Variants in CCDC187 observed in about 807,000 individuals in gnomAD.
The protein encoded by CCDC187 is coiled-coil domain-containing protein 187.
A neutral mutation model predicts 38.0 loss-of-function variants in CCDC187; 32 were observed. The ratio of observed to expected loss-of-function variants is 0.84; its 90% CI spans 0.64 to 1.13. The LOEUF is 1.13. Among genes scored for constraint, CCDC187 ranks in the 50% most tolerant of loss-of-function variants. CCDC187 has a pLI of 0.00. For missense variants in CCDC187, 707 were observed against 786.8 expected (o/e 0.90, Z 1.21); for synonymous variants, 333 against 347.9 (o/e 0.96, Z 0.48).
At position 136,303,134 on chromosome 9, in the gene CCDC187, G is replaced by A. The variant is rs1187853298; in HGVS notation, c.303C>T (p.Ser101=). The change falls in exon 2 of 26, where the codon TCC becomes TCT. Residue 101 remains serine, a synonymous_variant. Coordinates refer to ENST00000638797, the MANE Select transcript of CCDC187 (RefSeq NM_001378188.1). Reference sequence around the variant, plus strand: ...CCCCATCCCTAGCCTCCGGGCCTGTGGACCACATGGGCAGGCTGCACGCCT... The same window carrying A: ...CCCCATCCCTAGCCTCCGGGCCTGTAGACCACATGGGCAGGCTGCACGCCT... ...WGKACSLPMW[S]TGPEARDGDS... is the part of the protein sequence containing the mutation. 5.0e-6 allele frequency: 2 copies of A among 398,540 alleles called. No individual in the cohort carries two copies. The highest frequency in any genetic ancestry group is 4.1e-5 in the African/African-American group (2 of 48,652). The allele number at this position is 398,540 out of a possible 1,614,324, so 24.7% of individuals were successfully genotyped here. A position where few individuals can be genotyped will look rare whatever the true frequency, so the allele number is the denominator to read the frequency against.
At position 136,262,421 on chromosome 9, in the gene CCDC187, T is replaced by TG. The variant is rs1554761104; in HGVS notation, c.3953dup (p.Glu1319ArgfsTer41). 2.0e-6 allele frequency: 2 copies of TG among 986,070 alleles called. No homozygotes were observed. Among genetic ancestry groups the TG allele is most frequent in the African/African-American group, 1.7e-5 (1 of 57,274 alleles). 61.1% of individuals were successfully genotyped at this position (986,070 alleles called of 1,614,324 possible). A position where few individuals can be genotyped will look rare whatever the true frequency, so the allele number is the denominator to read the frequency against. The stretch of plus-strand genomic sequence containing the variant: ...AGGCCTCTGGCTGCTGGCTTGTCTC[T>TG]GAGCCTCCCTCCCAGGCGGCCTTGA... On this transcript the variant is annotated frameshift_variant, in exon 19 of 26. Transcript: ENST00000638797. LOFTEE classifies it high-confidence loss of function.
chr9:136,298,284 A>T (rs938034648), intron 3 of CCDC187, among the ~76,000 whole-genome samples: 3 of 152,166 alleles, frequency 2.0e-5, no homozygotes, highest in Admixed American at 2.0e-4. Flanking sequence ...GCCGGACTGA[A>T]CATCTCTGGG....
At chr9:136,293,481 T>TCACACTCACATGCTCA (rs1166695908) in intron 4 of CCDC187, among the ~76,000 whole-genome samples, 36 of 129,832 alleles carry the variant, frequency 2.8e-4, no homozygotes, top group African/African-American at 1.1e-3. Flanking sequence ...GCTCACACAC[T>TCACACTCACATGCTCA]CACAAACACA....
At chr9:136,300,946 G>C (rs1375445775) in intron 2 of CCDC187, among the ~76,000 whole-genome samples, 1 of 152,204 alleles carries the variant, frequency 6.6e-6, no homozygotes. Flanking sequence ...CCAGGCCTGA[G>C]AATGCATCCA....
chr9:136,293,809 C>T (rs1024378489), intron 4 of CCDC187, among the ~76,000 whole-genome samples: 4 of 152,026 alleles, frequency 2.6e-5, no homozygotes, highest in African/African-American at 4.8e-5. Flanking sequence ...CACACAGACA[C>T]ACATGCTCTC....
chr9:136,271,753 A>G (rs183655513), intron 14 of CCDC187, among the ~76,000 whole-genome samples: 18 of 150,960 alleles, frequency 1.2e-4, no homozygotes, highest in Admixed American at 7.9e-4. Flanking sequence ...GACTACAGGC[A>G]CCCGCCACCG....
intron 7 of CCDC187, among the ~76,000 whole-genome samples, chr9:136,289,270 C>T (rs1831253086): frequency 6.6e-6 from 1 of 152,088 alleles, no homozygotes; most frequent in Admixed American, 6.5e-5. Flanking sequence ...ATAATCCCAG[C>T]ACTTTGGGAG....
At chr9:136,268,993 A>G (rs1314685983) in intron 14 of CCDC187, among the ~76,000 whole-genome samples, 5 of 152,176 alleles carry the variant, frequency 3.3e-5, no homozygotes, top group Non-Finnish European at 7.3e-5. Context: ...GTGGGGGCAG[A>G]GTGTCAGAGA....
At chr9:136,284,601 G>C (rs1025683628) in intron 9 of CCDC187, among the ~76,000 whole-genome samples, 1 of 152,220 alleles carries the variant, frequency 6.6e-6, no homozygotes, top group African/African-American at 2.4e-5. Flanking sequence ...GCAGGGAGCC[G>C]CGGGGACCAG....
chr9:136,267,327 G>T, intron 16 of CCDC187, 57 bp downstream of exon 16: 16 of 967,568 alleles, frequency 1.7e-5, no homozygotes, highest in Non-Finnish European at 1.7e-5. Flanking sequence ...GCAGGGCGGG[G>T]CTACAGCAGG....
intron 4 of CCDC187, among the ~76,000 whole-genome samples, chr9:136,296,746 G>T (rs1831545556): frequency 6.6e-6 from 1 of 152,232 alleles, no homozygotes; most frequent in African/African-American, 2.4e-5. Flanking sequence ...GGGCCGCTGG[G>T]TCTCTGCAGG....
At chr9:136,299,301 C>T (rs941782363) in intron 3 of CCDC187, among the ~76,000 whole-genome samples, 1 of 152,162 alleles carries the variant, frequency 6.6e-6, no homozygotes, top group South Asian at 2.1e-4. Flanking sequence ...AGGGACACAC[C>T]CAAATGCCTG....
chr9:136,285,013 G>A (rs1445190098), intron 9 of CCDC187, among the ~76,000 whole-genome samples: 3 of 152,092 alleles, frequency 2.0e-5, no homozygotes, highest in African/African-American at 4.8e-5. Flanking sequence ...GCCTGGGGGC[G>A]CGGGACAGGC....
At chr9:136,293,601 C>T (rs1367979163) in intron 4 of CCDC187, among the ~76,000 whole-genome samples, 3 of 151,964 alleles carry the variant, frequency 2.0e-5, no homozygotes, top group Non-Finnish European at 4.4e-5. Flanking sequence ...TGCTCCCAGG[C>T]TCACACATAT....
intron 14 of CCDC187, among the ~76,000 whole-genome samples, chr9:136,270,362 T>A (rs899062747): frequency 5.3e-5 from 8 of 151,866 alleles, no homozygotes; most frequent in Non-Finnish European, 1.0e-4. Context: ...GTCGTCCAAG[T>A]GATTAAAAAG....
At chr9:136,272,156 G>C (rs1830850922) in intron 14 of CCDC187, among the ~76,000 whole-genome samples, 1 of 152,160 alleles carries the variant, frequency 6.6e-6, no homozygotes, top group African/African-American at 2.4e-5. Context: ...CGCACCACCA[G>C]AAATGCTAAG....
intron 4 of CCDC187, chr9:136,295,852 G>A (rs1831520966): frequency 6.6e-6 from 1 of 152,332 alleles, no homozygotes; most frequent in Non-Finnish European, 1.5e-5. Flanking sequence ...AAGACCTGGG[G>A]GAGGGAGGGG....
intron 4 of CCDC187, among the ~76,000 whole-genome samples, chr9:136,293,635 C>T (rs955697636): frequency 3.9e-5 from 6 of 152,188 alleles, no homozygotes; most frequent in Non-Finnish European, 7.4e-5. Flanking sequence ...GACAGGCACT[C>T]GCATGCTCAC....
chr9:136,272,509 C>G (rs1830857194), intron 14 of CCDC187, among the ~76,000 whole-genome samples: 1 of 152,170 alleles, frequency 6.6e-6, no homozygotes, highest in Non-Finnish European at 1.5e-5. Context: ...TCGAGACCAG[C>G]CTGGCCAACA....
Sources: allele counts gnomAD v4.1 joint callset (sites outside exome capture counted in the v4.1 genomes callset), GRCh38; gene constraint gnomAD v4.1.1; transcripts MANE v1.5; gene names NCBI Gene and HGNC (gene_info 2026-07-23, HGNC 2026-07-21).